Variants in SPAG16 observed in about 807,000 individuals in gnomAD.
SPAG16 encodes sperm associated antigen 16.
A neutral mutation model predicts 80.4 loss-of-function variants in SPAG16; 86 were observed. That is an observed-to-expected ratio of 1.07 (90% CI 0.90 to 1.28). The LOEUF (loss-of-function observed/expected upper bound fraction) is 1.28, where lower values mean the gene tolerates loss of function less well. Among genes scored for constraint, SPAG16 ranks in the 50% most tolerant of loss-of-function variants. The probability of loss-of-function intolerance (pLI) is 0.00; values close to 1 mark genes in which losing one functional copy is unlikely to be tolerated. For synonymous variants in SPAG16, 294 were observed against 265.9 expected (o/e 1.11, Z -1.03); for missense variants, 870 against 765.3 (o/e 1.14, Z -1.61).
At chr2:213,884,145 C>T (rs999423540) in intron 11 of SPAG16, among the ~76,000 whole-genome samples, 6 of 146,360 alleles carry the variant, frequency 4.1e-5, no homozygotes, top group African/African-American at 1.2e-4. Context: ...TAGCAGGTGT[C>T]ATTCTTTTGA....
intron 10 of SPAG16, among the ~76,000 whole-genome samples, chr2:213,608,895 G>T (rs546033911): frequency 8.5e-5 from 13 of 152,258 alleles, no homozygotes; most frequent in Admixed American, 7.8e-4. Flanking sequence ...GTGTTAGCCG[G>T]GATGGTCTCG....
intron 15 of SPAG16, among the ~76,000 whole-genome samples, chr2:214,247,527 A>G (rs765657713): frequency 2.6e-5 from 4 of 152,206 alleles, no homozygotes; most frequent in Non-Finnish European, 5.9e-5. Context: ...GTGATTAATT[A>G]GAGTGTGACT....
chr2:214,096,701 T>G (rs1484491200), intron 13 of SPAG16, among the ~76,000 whole-genome samples: 1 of 152,022 alleles, frequency 6.6e-6, no homozygotes, highest in African/African-American at 2.4e-5. Flanking sequence ...CAGTAAAAAT[T>G]TTGTAGAGGC....
intron 13 of SPAG16, among the ~76,000 whole-genome samples, chr2:214,097,786 G>A: frequency 6.6e-6 from 1 of 151,936 alleles, no homozygotes; most frequent in East Asian, 1.9e-4. Context: ...TGTCATCTCT[G>A]CTATCATAGA....
At chr2:213,806,506 A>G (rs567632698) in intron 10 of SPAG16, among the ~76,000 whole-genome samples, 80 of 152,298 alleles carry the variant, frequency 5.3e-4, no homozygotes, top group Non-Finnish European at 1.0e-3. Flanking sequence ...CATAATGTTT[A>G]TGTATCCCCT....
chr2:213,691,892 T>G (rs1365123774), intron 10 of SPAG16, among the ~76,000 whole-genome samples: 2 of 152,206 alleles, frequency 1.3e-5, no homozygotes, highest in African/African-American at 2.4e-5. Flanking sequence ...AATAAATATT[T>G]GTAAAAGTAA....
At chr2:214,250,739 T>G (rs1189152400) in intron 15 of SPAG16, among the ~76,000 whole-genome samples, 1 of 61,678 alleles carries the variant, frequency 1.6e-5, no homozygotes, top group African/African-American at 6.9e-5. Flanking sequence ...TTGAGATATA[T>G]ATATATATAT....
chr2:214,386,225 CTT>C, intron 15 of SPAG16, among the ~76,000 whole-genome samples: 1 of 151,278 alleles, frequency 6.6e-6, no homozygotes, highest in South Asian at 2.1e-4. Context: ...AAATACAAAA[CTT>C]AGCCGGGCAT....
At chr2:213,800,901 G>T (rs2071354831) in intron 10 of SPAG16, among the ~76,000 whole-genome samples, 1 of 152,090 alleles carries the variant, frequency 6.6e-6, no homozygotes, top group East Asian at 1.9e-4. Context: ...CAGCAGAAAA[G>T]ATTTTAGTCA....
At chr2:214,284,340 G>C (rs965276375) in intron 15 of SPAG16, among the ~76,000 whole-genome samples, 1 of 152,064 alleles carries the variant, frequency 6.6e-6, no homozygotes, top group African/African-American at 2.4e-5. Flanking sequence ...CCTTTAGTTT[G>C]ATTTGTTTCT....
intron 3 of SPAG16, among the ~76,000 whole-genome samples, chr2:213,298,311 A>G (rs957674256): frequency 3.9e-5 from 6 of 152,218 alleles, no homozygotes; most frequent in Admixed American, 3.3e-4. Context: ...AGTGAAATCT[A>G]TTCCATAGAC....
intron 13 of SPAG16, among the ~76,000 whole-genome samples, chr2:214,017,954 G>A (rs4673805): frequency 0.29 from 44,578 of 151,778 alleles, 7,274 homozygotes; most frequent in South Asian, 0.58. Flanking sequence ...ATTCCTAAAT[G>A]TATCATAAAT....
At chr2:213,349,841 GA>G (rs1349800029) in intron 6 of SPAG16, among the ~76,000 whole-genome samples, 3 of 152,108 alleles carry the variant, frequency 2.0e-5, no homozygotes, top group Non-Finnish European at 4.4e-5. Flanking sequence ...TGAAGTTCTA[GA>G]ATTTTCTGGG....
intron 14 of SPAG16, among the ~76,000 whole-genome samples, chr2:214,129,808 T>C (rs1240763298): frequency 6.6e-6 from 1 of 152,172 alleles, no homozygotes; most frequent in South Asian, 2.1e-4. Flanking sequence ...CCTTTTGAAA[T>C]TGAGAAAAAC....
At chr2:214,262,038 A>C (rs781381785) in intron 15 of SPAG16, among the ~76,000 whole-genome samples, 2 of 152,156 alleles carry the variant, frequency 1.3e-5, no homozygotes, top group Non-Finnish European at 2.9e-5. Context: ...ACAGTTTAAT[A>C]TCTAAATATT....
At chr2:213,717,345 A>G (rs2066284324) in intron 10 of SPAG16, among the ~76,000 whole-genome samples, 2 of 152,074 alleles carry the variant, frequency 1.3e-5, no homozygotes, top group Admixed American at 1.3e-4. Flanking sequence ...CATTTTTAGT[A>G]GAGACAGGGT....
At chr2:213,284,785 C>A in intron 1 of SPAG16, 166 bp downstream of exon 1, 1 of 1,013,486 alleles carries the variant, frequency 9.9e-7, no homozygotes, top group Non-Finnish European at 1.4e-6. Context: ...TTCCTGAGAG[C>A]CACTCACTGA....
At chr2:214,106,451 G>T (rs939486483) in intron 13 of SPAG16, among the ~76,000 whole-genome samples, 16 of 152,104 alleles carry the variant, frequency 1.1e-4, no homozygotes, top group African/African-American at 3.9e-4. Context: ...ATTTATTTTT[G>T]TGAAATTTAA....
intron 9 of SPAG16, among the ~76,000 whole-genome samples, chr2:213,390,579 A>G (rs923594455): frequency 8.5e-5 from 13 of 152,204 alleles, no homozygotes; most frequent in African/African-American, 3.1e-4. Context: ...TGTTTTGGGA[A>G]ATATTCACAT....
Sources: gnomAD v4.1 joint callset for allele counts (sites outside exome capture counted in the v4.1 genomes callset) on GRCh38, gnomAD v4.1.1 for gene constraint, MANE v1.5 for transcripts, NCBI Gene and HGNC (gene_info 2026-07-23, HGNC 2026-07-21) for gene names.